The following CTBP2 variants were observed in gnomAD, a reference collection of about 807,000 sequenced individuals.
CTBP2 encodes the protein C-terminal-binding protein 2.
In CTBP2, 30 loss-of-function variants were observed where a neutral mutation model predicts 80.3. That is an observed-to-expected ratio of 0.37 (90% CI 0.28 to 0.51). The LOEUF is 0.51. Ranked by LOEUF, CTBP2 falls within the 20% of genes least tolerant of loss-of-function variation. The probability of loss-of-function intolerance (pLI) is 0.93; values close to 1 mark genes in which losing one functional copy is unlikely to be tolerated. For synonymous variants in CTBP2, 594 were observed against 587.4 expected (o/e 1.01, Z -0.16); for missense variants, 1,212 against 1,375.3 (o/e 0.88, Z 1.88).
chr10:125,023,732 C>T lies in CTBP2; in HGVS notation c.1678+2350G>A, dbSNP rs150856814. 7.2e-3 allele frequency among the ~76,000 whole-genome samples: 1,091 copies of T among 152,188 alleles called. 14 individuals carry two copies. Among genetic ancestry groups the T allele is most frequent in the African/African-American group, 0.025 (1,057 of 41,514 alleles). ...GAGCCTATTGTGTGTATGCACAAAA[C>T]CCACCAAGATAAGGCAGGTAGTTCG... On this transcript the variant is annotated intron_variant, in intron 1 of 8. Coordinates refer to ENST00000309035, the MANE Select transcript of CTBP2 (RefSeq NM_022802.3).
In CTBP2 at chr10:125,002,935, G is replaced by T. The variant is rs375075079; in HGVS notation, c.1978+25C>A. ...CCCACAGAGCTCCGGACAACTCCAG[G>T]CAGCCAGCGCTGCCTCGCACTCACC... On this transcript the variant is annotated intron_variant, in intron 3 of 8. Coordinates refer to ENST00000309035, the MANE Select transcript of CTBP2 (RefSeq NM_022802.3). The T allele has an allele frequency of 6.9e-5, 111 of 1,610,616 alleles. No homozygotes were observed. The African/African-American group carries it at 1.3e-3, about 19-fold the overall frequency.
intron 2 of CTBP2, among the ~76,000 whole-genome samples, chr10:125,060,728 G>A (rs1964809205): frequency 6.6e-6 from 1 of 152,246 alleles, no homozygotes; most frequent in Admixed American, 6.5e-5. Flanking sequence ...CAAGAGGAGA[G>A]ATTGCAGATG....
At chr10:125,106,735 G>A (rs1194923362) in intron 2 of CTBP2, among the ~76,000 whole-genome samples, 4 of 152,228 alleles carry the variant, frequency 2.6e-5, no homozygotes, top group African/African-American at 9.6e-5. Context: ...ACACAGTGTT[G>A]ACACATGGGT....
chr10:125,088,675 A>G (rs1428253062), intron 2 of CTBP2, among the ~76,000 whole-genome samples: 1 of 152,204 alleles, frequency 6.6e-6, no homozygotes, highest in African/African-American at 2.4e-5. Flanking sequence ...GAAATTACAC[A>G]GTAAGTGTTT....
chr10:125,063,364 T>C (rs991237466), intron 2 of CTBP2, among the ~76,000 whole-genome samples: 3 of 152,210 alleles, frequency 2.0e-5, no homozygotes, highest in African/African-American at 7.2e-5. Flanking sequence ...CCACACGTCA[T>C]GAGGCCTGTG....
intron 3 of CTBP2, 104 bp downstream of exon 3, chr10:125,038,893 G>A: frequency 8.9e-7 from 1 of 1,118,334 alleles, no homozygotes; most frequent in Non-Finnish European, 1.3e-6. Flanking sequence ...TCGGAGGAGG[G>A]ACTCTGGCTT....
intron 1 of CTBP2, among the ~76,000 whole-genome samples, chr10:125,155,197 G>A (rs2133476099): frequency 6.6e-6 from 1 of 152,282 alleles, no homozygotes; most frequent in Non-Finnish European, 1.5e-5. Context: ...CTGGAAAGGG[G>A]GCAGGCCAAA....
intron 8 of CTBP2, among the ~76,000 whole-genome samples, chr10:124,992,247 G>A (rs1047056767): frequency 1.4e-5 from 2 of 144,198 alleles, no homozygotes; most frequent in African/African-American, 5.1e-5. Context: ...GGTGGGGTCG[G>A]GGGGTAGCAG....
At chr10:125,037,221 A>G (rs1958995396) in intron 3 of CTBP2, among the ~76,000 whole-genome samples, 1 of 152,224 alleles carries the variant, frequency 6.6e-6, no homozygotes, top group Admixed American at 6.5e-5. Context: ...GATGGGACAG[A>G]GGGTCTGCAA....
At chr10:125,133,015 G>A (rs1315555852) in intron 1 of CTBP2, among the ~76,000 whole-genome samples, 2 of 152,174 alleles carry the variant, frequency 1.3e-5, no homozygotes, top group African/African-American at 4.8e-5. Context: ...TGGATGACTG[G>A]ATTTAAAGGG....
At chr10:125,010,015 CCCT>C (rs1157459284) in intron 1 of CTBP2, among the ~76,000 whole-genome samples, 2 of 152,180 alleles carry the variant, frequency 1.3e-5, no homozygotes, top group African/African-American at 2.4e-5. Flanking sequence ...CGGTGACTCC[CCCT>C]CCTTGTGTCC....
chr10:124,990,720 AGC>A (rs2134067780), intron 8 of CTBP2, among the ~76,000 whole-genome samples: 1 of 152,360 alleles, frequency 6.6e-6, no homozygotes, highest in Admixed American at 6.5e-5. Flanking sequence ...TAAGAGGTAG[AGC>A]CCTTGGGAAG....
intron 1 of CTBP2, among the ~76,000 whole-genome samples, chr10:125,153,629 A>G (rs1383499591): frequency 6.6e-6 from 1 of 152,162 alleles, no homozygotes; most frequent in Non-Finnish European, 1.5e-5. Context: ...CGGCAGGTAC[A>G]ATACTATCAC....
At chr10:125,155,876 A>T (rs976621472) in intron 1 of CTBP2, among the ~76,000 whole-genome samples, 5 of 152,176 alleles carry the variant, frequency 3.3e-5, no homozygotes, top group Admixed American at 2.0e-4. Flanking sequence ...GAGAAAACTG[A>T]TATCTGCCAG....
chr10:125,039,056 C>G, exon 3 of CTBP2: 1 of 1,611,730 alleles, frequency 6.2e-7, no homozygotes, highest in Non-Finnish European at 8.5e-7. Flanking sequence ...AAGGGCCATT[C>G]TTTATGGAAC....
chr10:125,098,665 A>G (rs1590758647), intron 2 of CTBP2, among the ~76,000 whole-genome samples: 5 of 74,440 alleles, frequency 6.7e-5, no homozygotes, highest in Non-Finnish European at 1.4e-4. Context: ...GGGGAGAGAG[A>G]GAGAGAGAGA....
intron 2 of CTBP2, among the ~76,000 whole-genome samples, chr10:125,047,788 G>A (rs1234288896): frequency 1.3e-5 from 2 of 152,042 alleles, no homozygotes; most frequent in Non-Finnish European, 2.9e-5. Flanking sequence ...TATGAAATGG[G>A]GGAAGATTTA....
chr10:125,125,796 C>A lies in CTBP2; in HGVS notation c.-205-14703G>T, dbSNP rs1193272546. 2.6e-5 allele frequency among the ~76,000 whole-genome samples: 4 copies of A among 152,214 alleles called. No individual in the cohort carries two copies. In the East Asian group the frequency reaches 7.7e-4, roughly 29 times the overall value. ...ATGACAGCAAAAACAGCAGAAAGCTCTTGAGATCTGGGCTAAGAAAGGGAG... is the reference window on the plus strand; with the variant it reads ...ATGACAGCAAAAACAGCAGAAAGCTATTGAGATCTGGGCTAAGAAAGGGAG... On this transcript the variant is annotated intron_variant, in intron 1 of 10. Transcript: ENST00000337195.
intron 4 of CTBP2, chr10:124,996,691 T>C (rs1195133449): frequency 6.6e-6 from 1 of 151,294 alleles, no homozygotes; most frequent in Non-Finnish European, 1.5e-5. Context: ...GTACCCAGGG[T>C]GCTCATGACC....
Sources: allele counts gnomAD v4.1 joint callset (sites outside exome capture counted in the v4.1 genomes callset), GRCh38; gene constraint gnomAD v4.1.1; transcripts MANE v1.5; gene names NCBI Gene and HGNC (gene_info 2026-07-23, HGNC 2026-07-21).